Variants in DPYD observed in about 807,000 individuals in gnomAD.
The protein encoded by DPYD is dihydropyrimidine dehydrogenase [NADP(+)].
In DPYD, 109 loss-of-function variants were observed where a neutral mutation model predicts 116.2. The ratio of observed to expected loss-of-function variants is 0.94; its 90% confidence interval spans 0.80 to 1.10. DPYD has a LOEUF of 1.10. Among genes scored for constraint, DPYD ranks in the 50% least tolerant of loss-of-function variants. The pLI, the probability that DPYD is intolerant of heterozygous loss-of-function variation, is 0.00. For missense variants in DPYD, 1,302 were observed against 1,254.5 expected (o/e 1.04, Z -0.57); for synonymous variants, 440 against 432.0 (o/e 1.02, Z -0.23).
chr1:97,917,753 G>A (rs1232511905), intron 1 of DPYD, among the ~76,000 whole-genome samples: 1 of 152,144 alleles, frequency 6.6e-6, no homozygotes, highest in Admixed American at 6.5e-5. Context: ...AAAAGTACTA[G>A]TATTCAAATA....
At chr1:97,607,693 G>C (rs1025470394) in intron 8 of DPYD, among the ~76,000 whole-genome samples, 1 of 151,594 alleles carries the variant, frequency 6.6e-6, no homozygotes, top group African/African-American at 2.4e-5. Context: ...CAGGAGGAGG[G>C]GTAGGAAAAA....
chr1:97,598,975 G>A (rs1284978917), intron 8 of DPYD, among the ~76,000 whole-genome samples: 2 of 152,188 alleles, frequency 1.3e-5, no homozygotes, highest in Non-Finnish European at 2.9e-5. Context: ...AGGTTATAAT[G>A]TGAAGCTACA....
chr1:97,403,319 C>G (rs972408746), intron 14 of DPYD, among the ~76,000 whole-genome samples: 1 of 152,000 alleles, frequency 6.6e-6, no homozygotes, highest in Non-Finnish European at 1.5e-5. Flanking sequence ...GCTTTTGCAT[C>G]ATCTTGAAGT....
rs527340263 is a variant in DPYD at position 97,808,081 on chromosome 1, T to A, written c.233+20033A>T. Among the ~76,000 whole-genome samples, 10 of 152,244 alleles carry A rather than the reference T, an allele frequency of 6.6e-5. No homozygotes were observed. In the South Asian group the frequency reaches 2.1e-3, roughly 32 times the overall value. On this transcript the variant is annotated intron_variant, in intron 3 of 22. Transcript: ENST00000370192. ...TCAGACTTTGTTCTCCTTCAATATA[T>A]GTTAGTTATTCTGAGTCTTCTGCTT...
intron 20 of DPYD, 119 bp from the exon 21 acceptor site, chr1:97,098,751 T>A (rs903854232): frequency 8.5e-7 from 1 of 1,172,010 alleles, no homozygotes; most frequent in Non-Finnish European, 1.2e-6. Context: ...GTTTCATGTA[T>A]ACTGTAACTA....
chr1:97,671,872 ACTTTT>A lies in DPYD; in HGVS notation c.850+7218_850+7222del, dbSNP rs368548761. On this transcript the variant is annotated intron_variant, in intron 8 of 22. Coordinates refer to ENST00000370192, the MANE Select transcript of DPYD (RefSeq NM_000110.4). ...TTCATTATATATGAACACAGAATAAACTTTTCTTTTCTTTTCTTTTGTCTTCTTTT... is the reference window on the plus strand; with the variant it reads ...TTCATTATATATGAACACAGAATAAACTTTTCTTTTCTTTTGTCTTCTTTT... Among the ~76,000 whole-genome samples, 137 of 150,582 alleles carry A rather than the reference ACTTTT, an allele frequency of 9.1e-4. 5 individuals carry two copies. In the South Asian group the frequency reaches 0.016, roughly 17 times the overall value.
intron 8 of DPYD, among the ~76,000 whole-genome samples, chr1:97,650,292 C>G (rs1658508557): frequency 6.6e-6 from 1 of 152,108 alleles, no homozygotes; most frequent in Admixed American, 6.6e-5. Flanking sequence ...TGGCATAGAA[C>G]AGGTTCTCCA....
At chr1:97,292,002 C>T (rs79945847) in intron 18 of DPYD, among the ~76,000 whole-genome samples, 14 of 152,128 alleles carry the variant, frequency 9.2e-5, no homozygotes, top group Non-Finnish European at 1.5e-4. Flanking sequence ...AATTATAATG[C>T]GTTATACCCC....
At chr1:97,179,135 C>T (rs1657478679) in intron 20 of DPYD, among the ~76,000 whole-genome samples, 1 of 152,158 alleles carries the variant, frequency 6.6e-6, no homozygotes, top group Non-Finnish European at 1.5e-5. Flanking sequence ...TATTAGCGAG[C>T]ACTAGCAATA....
intron 2 of DPYD, chr1:97,856,948 T>A (rs746645100): frequency 6.6e-6 from 1 of 152,268 alleles, no homozygotes; most frequent in African/African-American, 2.4e-5. Flanking sequence ...TATCCTATCA[T>A]TCATTCTGTT....
intron 8 of DPYD, among the ~76,000 whole-genome samples, chr1:97,612,166 G>A (rs1655989618): frequency 6.6e-6 from 1 of 151,828 alleles, no homozygotes; most frequent in Non-Finnish European, 1.5e-5. Context: ...ATATGGTGTT[G>A]CATTTTTAAA....
chr1:97,629,018 G>C (rs999829800), intron 8 of DPYD, among the ~76,000 whole-genome samples: 1 of 152,054 alleles, frequency 6.6e-6, no homozygotes, highest in Non-Finnish European at 1.5e-5. Context: ...TGTGCAGCAG[G>C]ACTAGGTGAG....
chr1:97,917,043 T>C (rs1571582172), intron 1 of DPYD, among the ~76,000 whole-genome samples: 1 of 152,166 alleles, frequency 6.6e-6, no homozygotes, highest in African/African-American at 2.4e-5. Context: ...CAGCTTAAAG[T>C]AGGAAGTACA....
chr1:97,567,434 T>C (rs1652599925), intron 11 of DPYD, among the ~76,000 whole-genome samples: 1 of 152,122 alleles, frequency 6.6e-6, no homozygotes, highest in Non-Finnish European at 1.5e-5. Flanking sequence ...AGGTTTTGTG[T>C]TTCCTTGTTA....
In DPYD at chr1:97,700,092, C is replaced by T. The variant is rs767238496; in HGVS notation, c.484-545G>A. 41 of 369,546 alleles carry T rather than the reference C, an allele frequency of 1.1e-4. No homozygotes were observed. The Admixed American group carries it at 1.2e-3, about 11-fold the overall frequency. 22.9% of individuals were successfully genotyped at this position (369,546 alleles called of 1,614,324 possible). A position where few individuals can be genotyped will look rare whatever the true frequency, so the allele number is the denominator to read the frequency against. ...AGTTGAAACATTCAAGAACTACTGA[C>T]GCAGGCATCTTGGAAGGGCTAACAT... is the stretch of plus-strand genomic sequence containing the variant. On this transcript the variant is annotated intron_variant, in intron 5 of 22. Transcript: ENST00000370192.
intron 11 of DPYD, among the ~76,000 whole-genome samples, chr1:97,565,168 T>A (rs774586556): frequency 2.6e-5 from 4 of 152,102 alleles, no homozygotes; most frequent in Non-Finnish European, 5.9e-5. Flanking sequence ...ACCCTGTGAC[T>A]GAATAACCAC....
intron 10 of DPYD, chr1:97,585,905 C>A (rs1571007672): frequency 6.0e-6 from 1 of 167,270 alleles, no homozygotes; most frequent in East Asian, 1.4e-4. Flanking sequence ...CAAGAAAGAA[C>A]CATAAAAGGT....
chr1:97,290,565 G>C (rs1467868562), intron 18 of DPYD, among the ~76,000 whole-genome samples: 4 of 152,060 alleles, frequency 2.6e-5, no homozygotes, highest in Admixed American at 2.6e-4. Flanking sequence ...TGAGAAACCT[G>C]ACAAAAACAA....
chr1:97,652,966 G>T (rs1249189181), intron 8 of DPYD, among the ~76,000 whole-genome samples: 2 of 151,994 alleles, frequency 1.3e-5, no homozygotes, highest in African/African-American at 2.4e-5. Flanking sequence ...TCAAGTCTCC[G>T]TGTTATGGTG....
Sources: gnomAD v4.1 joint callset for allele counts (sites outside exome capture counted in the v4.1 genomes callset) on GRCh38, gnomAD v4.1.1 for gene constraint, MANE v1.5 for transcripts, NCBI Gene and HGNC (gene_info 2026-07-23, HGNC 2026-07-21) for gene names.